The following ULK4 variants were observed in gnomAD, a reference collection of about 807,000 sequenced individuals.
ULK4 encodes the protein unc-51 like kinase 4.
In ULK4, 133 loss-of-function variants were observed where a neutral mutation model predicts 160.6. That is an observed-to-expected ratio of 0.83 (90% CI 0.72 to 0.96). ULK4 has a LOEUF of 0.96. Among genes scored for constraint, ULK4 ranks in the 40% least tolerant of loss-of-function variants. The pLI is 0.00. For synonymous variants in ULK4, 534 were observed against 539.8 expected (o/e 0.99, Z 0.15); for missense variants, 1,580 against 1,499.5 (o/e 1.05, Z -0.89).
At chr3:41,955,193 G>A (rs964240507) in intron 1 of ULK4, among the ~76,000 whole-genome samples, 1 of 152,214 alleles carries the variant, frequency 6.6e-6, no homozygotes, top group Non-Finnish European at 1.5e-5. Flanking sequence ...GGGAGGCTGA[G>A]GCAGGGGAAT....
intron 17 of ULK4, among the ~76,000 whole-genome samples, chr3:41,863,267 T>C (rs2042545940): frequency 1.3e-5 from 2 of 152,192 alleles, no homozygotes; most frequent in African/African-American, 4.8e-5. Flanking sequence ...CTACCACTGA[T>C]GTTCCCTTAA....
intron 25 of ULK4, among the ~76,000 whole-genome samples, chr3:41,708,191 T>TATATATA: frequency 6.6e-6 from 1 of 151,890 alleles, no homozygotes; most frequent in African/African-American, 2.4e-5. Context: ...TATATATATA[T>TATATATA]TTCCAAAGGA....
intron 21 of ULK4, among the ~76,000 whole-genome samples, chr3:41,770,510 CTTTT>C (rs560284136): frequency 7.4e-6 from 1 of 135,532 alleles, no homozygotes; most frequent in Non-Finnish European, 1.6e-5. Context: ...TAGAAAGATA[CTTTT>C]TTTTTTTTTT....
intron 19 of ULK4, among the ~76,000 whole-genome samples, chr3:41,801,803 A>C (rs1337578547): frequency 1.3e-5 from 2 of 152,100 alleles, no homozygotes; most frequent in African/African-American, 4.8e-5. Flanking sequence ...GTGAGCTGTG[A>C]TCACACCACT....
At chr3:41,919,282 T>C (rs1160190947) in intron 6 of ULK4, among the ~76,000 whole-genome samples, 1 of 152,144 alleles carries the variant, frequency 6.6e-6, no homozygotes, top group Non-Finnish European at 1.5e-5. Context: ...TCAGCCAAAA[T>C]CAGTATACAT....
At chr3:41,522,968 G>A (rs992353924) in intron 32 of ULK4, among the ~76,000 whole-genome samples, 1 of 152,146 alleles carries the variant, frequency 6.6e-6, no homozygotes, top group Non-Finnish European at 1.5e-5. Context: ...CTGGAGTACA[G>A]TGGCACGATC....
At chr3:41,550,028 CA>C (rs139205664) in intron 32 of ULK4, among the ~76,000 whole-genome samples, 368 of 152,138 alleles carry the variant, frequency 2.4e-3, no homozygotes, top group East Asian at 0.013. Flanking sequence ...GAGAGCTCAT[CA>C]CCACTAGGCC....
chr3:41,838,819 G>A (rs2041831694), intron 17 of ULK4, among the ~76,000 whole-genome samples: 1 of 152,130 alleles, frequency 6.6e-6, no homozygotes, highest in Non-Finnish European at 1.5e-5. Context: ...CCCCTCTCAT[G>A]CACAGAAAGA....
intron 17 of ULK4, among the ~76,000 whole-genome samples, chr3:41,841,680 C>T (rs1036950950): frequency 7.9e-5 from 12 of 151,844 alleles, no homozygotes; most frequent in African/African-American, 1.2e-4. Context: ...ATGACGATGG[C>T]GGTTTTGTCG....
Position 41,389,210 on chromosome 3 carries a change from T to C in ULK4, c.3678+8869A>G, listed in dbSNP as rs537248896. 5.9e-5 allele frequency among the ~76,000 whole-genome samples: 9 copies of C among 152,292 alleles called. No homozygotes were observed. In the East Asian group the frequency reaches 7.7e-4, roughly 13 times the overall value. ...TGTATAAGAATGCTTGTGATTTTTGTACATTGATTTTGTATCCTGACACTT... is the reference window on the plus strand; with the variant it reads ...TGTATAAGAATGCTTGTGATTTTTGCACATTGATTTTGTATCCTGACACTT... On this transcript the variant is annotated intron_variant, in intron 35 of 36. Coordinates refer to ENST00000301831, the MANE Select transcript of ULK4 (RefSeq NM_017886.4).
chr3:41,641,401 A>G (rs1433952281), intron 30 of ULK4, among the ~76,000 whole-genome samples: 1 of 152,178 alleles, frequency 6.6e-6, no homozygotes, highest in Admixed American at 6.5e-5. Flanking sequence ...TTGCTTCAAG[A>G]AACAGCTACA....
intron 2 of ULK4, among the ~76,000 whole-genome samples, chr3:41,943,846 T>C (rs1289143011): frequency 6.6e-6 from 1 of 152,180 alleles, no homozygotes; most frequent in Non-Finnish European, 1.5e-5. Context: ...CTCGCCACAT[T>C]ATGCTGAGTA....
chr3:41,339,234 C>T lies in ULK4; in HGVS notation c.3678+58845G>A, dbSNP rs112536015. Among the ~76,000 whole-genome samples, 1,070 of 152,158 alleles carry T rather than the reference C, an allele frequency of 7.0e-3. 11 individuals carry two copies. The highest frequency in any genetic ancestry group is 0.025 in the African/African-American group (1,023 of 41,532). Reference sequence around the variant, plus strand: ...TCTTTTTTCTGGTCTTCACCCCTGTCCAGGGGCCTGCACCAGCAGCTCGCA... The same window carrying T: ...TCTTTTTTCTGGTCTTCACCCCTGTTCAGGGGCCTGCACCAGCAGCTCGCA... On this transcript the variant is annotated intron_variant, in intron 35 of 36. Coordinates refer to ENST00000301831, the MANE Select transcript of ULK4 (RefSeq NM_017886.4).
intron 32 of ULK4, among the ~76,000 whole-genome samples, chr3:41,507,135 C>A (rs1184778300): frequency 1.3e-4 from 16 of 121,346 alleles, no homozygotes; most frequent in South Asian, 2.7e-4. Context: ...AGATTCCGGC[C>A]AAAAAAAAAA....
chr3:41,916,599 T>C (rs183180698), intron 7 of ULK4, among the ~76,000 whole-genome samples: 1 of 152,126 alleles, frequency 6.6e-6, no homozygotes, highest in Admixed American at 6.6e-5. Flanking sequence ...CTATGCTGCC[T>C]AAGTTAGTCT....
At chr3:41,848,631 A>C (rs2042127745) in intron 17 of ULK4, among the ~76,000 whole-genome samples, 1 of 152,180 alleles carries the variant, frequency 6.6e-6, no homozygotes, top group Non-Finnish European at 1.5e-5. Flanking sequence ...AGGAATCTGA[A>C]TCTGGACATA....
intron 17 of ULK4, among the ~76,000 whole-genome samples, chr3:41,876,910 G>A (rs141571172): frequency 6.6e-6 from 1 of 152,254 alleles, no homozygotes; most frequent in East Asian, 1.9e-4. Context: ...TGCTGGCAAT[G>A]TTCTACTTAA....
intron 35 of ULK4, among the ~76,000 whole-genome samples, chr3:41,364,639 T>C (rs968202380): frequency 6.6e-6 from 1 of 152,200 alleles, no homozygotes; most frequent in African/African-American, 2.4e-5. Context: ...ATGTTATCAT[T>C]ATCATTTAAT....
chr3:41,564,034 G>T (rs1274978171), intron 32 of ULK4, among the ~76,000 whole-genome samples: 1 of 152,160 alleles, frequency 6.6e-6, no homozygotes, highest in Non-Finnish European at 1.5e-5. Context: ...GTGACCTATA[G>T]ATAGGGTTTT....
Sources: gnomAD v4.1 joint callset for allele counts (sites outside exome capture counted in the v4.1 genomes callset) on GRCh38, gnomAD v4.1.1 for gene constraint, MANE v1.5 for transcripts, NCBI Gene and HGNC (gene_info 2026-07-23, HGNC 2026-07-21) for gene names.